CNTN3: variants seen among roughly 807,000 people sequenced by gnomAD.
CNTN3 encodes contactin 3, also known as contactin-3.
CNTN3 carries 60 observed loss-of-function variants against 119.1 expected under a neutral mutation model. The observed-to-expected ratio is 0.50, with a 90% CI of 0.41 to 0.62. The LOEUF (loss-of-function observed/expected upper bound fraction) is 0.62, where lower values mean the gene tolerates loss of function less well. Ranked by LOEUF, CNTN3 falls within the 20% of genes least tolerant of loss-of-function variation. The pLI is 0.00. For synonymous variants in CNTN3, 450 were observed against 438.7 expected (o/e 1.03, Z -0.32); for missense variants, 1,101 against 1,242.4 (o/e 0.89, Z 1.71).
intron 13 of CNTN3, among the ~76,000 whole-genome samples, chr3:74,328,115 G>A (rs1703173624): frequency 6.6e-6 from 1 of 151,470 alleles, no homozygotes; most frequent in African/African-American, 2.4e-5. Flanking sequence ...TTTATCTGTA[G>A]GATTATTTTT....
At chr3:74,574,803 T>C (rs1385052202) in intron 1 of CNTN3, among the ~76,000 whole-genome samples, 1 of 152,156 alleles carries the variant, frequency 6.6e-6, no homozygotes, top group Non-Finnish European at 1.5e-5. Context: ...ATTACCTCTA[T>C]ATACTTAGTC....
chr3:74,360,253 T>G (rs567710231), intron 11 of CNTN3, among the ~76,000 whole-genome samples: 9 of 152,262 alleles, frequency 5.9e-5, no homozygotes, highest in African/African-American at 1.9e-4. Context: ...GGCCTAAGGT[T>G]TTATTGTTTG....
At position 74,486,689 on chromosome 3, in the gene CNTN3, CT is replaced by C; in HGVS notation, c.183-59del. 5 of 1,365,682 alleles carry C rather than the reference CT, an allele frequency of 3.7e-6. No homozygotes were observed. The East Asian group carries it at 1.3e-4, about 35-fold the overall frequency. 84.6% of individuals were successfully genotyped at this position (1,365,682 alleles called of 1,614,324 possible). A position where few individuals can be genotyped will look rare whatever the true frequency, so the allele number is the denominator to read the frequency against. Reference sequence around the variant, plus strand: ...AGTATTTTTAACTTAAAAGAAGGCTCTCCATTATAAAATCTACTTTAAACAT... The same window carrying C: ...AGTATTTTTAACTTAAAAGAAGGCTCCCATTATAAAATCTACTTTAAACAT... On this transcript the variant is annotated intron_variant, in intron 3 of 22. Transcript: ENST00000263665.
At chr3:74,578,934 G>A (rs1000315713) in intron 1 of CNTN3, among the ~76,000 whole-genome samples, 3 of 151,978 alleles carry the variant, frequency 2.0e-5, no homozygotes, top group African/African-American at 4.8e-5. Flanking sequence ...TGCATTAAAT[G>A]TGAAGAGAAT....
At chr3:74,598,452 T>C (rs952029836) in intron 1 of CNTN3, among the ~76,000 whole-genome samples, 2 of 151,994 alleles carry the variant, frequency 1.3e-5, no homozygotes, top group Non-Finnish European at 2.9e-5. Flanking sequence ...CACAAAGAAT[T>C]GTAGGTAATA....
In CNTN3 at chr3:74,390,369, CTT is replaced by C. The variant is rs34399433; in HGVS notation, c.455-18972_455-18971del. On this transcript the variant is annotated intron_variant, in intron 5 of 22. Coordinates refer to ENST00000263665, the MANE Select transcript of CNTN3 (RefSeq NM_020872.3). Reference sequence around the variant, plus strand: ...ACTTTACCAGTCTGCTGAGAGTATGCTTTTTTTTTTTTTTTTTTTAGAAAAGG... The same window carrying C: ...ACTTTACCAGTCTGCTGAGAGTATGCTTTTTTTTTTTTTTTTTAGAAAAGG... Among the ~76,000 whole-genome samples the C allele has an allele frequency of 5.7e-3, 697 of 123,218 alleles. 13 individuals are homozygous for C. Among genetic ancestry groups the C allele is most frequent in the African/African-American group, 0.02 (646 of 31,922 alleles). The allele number at this position is 123,218 out of a possible 152,430, so 80.8% of individuals were successfully genotyped here.
At chr3:74,468,636 C>T (rs1702506385) in intron 4 of CNTN3, among the ~76,000 whole-genome samples, 1 of 152,112 alleles carries the variant, frequency 6.6e-6, no homozygotes, top group South Asian at 2.1e-4. Context: ...TTAGATAAGA[C>T]AAACCCACAG....
At chr3:74,600,321 T>C (rs1411286268) in intron 1 of CNTN3, among the ~76,000 whole-genome samples, 1 of 152,052 alleles carries the variant, frequency 6.6e-6, no homozygotes, top group African/African-American at 2.4e-5. Context: ...CTGAGATCAG[T>C]AGAAAAGTTC....
In CNTN3 at chr3:74,382,139, T is replaced by C. The variant is rs573356894; in HGVS notation, c.455-10740A>G. ...AGGAGAATCACTTGAACCCAGAAGGTGGAGGTTGAGGTGAGCTGAGATCGC... is the reference window on the plus strand; with the variant it reads ...AGGAGAATCACTTGAACCCAGAAGGCGGAGGTTGAGGTGAGCTGAGATCGC... On this transcript the variant is annotated intron_variant, in intron 5 of 22. Transcript: ENST00000263665. Among the ~76,000 whole-genome samples, 4 of 152,094 alleles carry C rather than the reference T, an allele frequency of 2.6e-5. 1 individual carries two copies. Among genetic ancestry groups the C allele is most frequent in the African/African-American group, 9.6e-5 (4 of 41,496 alleles).
intron 1 of CNTN3, among the ~76,000 whole-genome samples, chr3:74,602,282 C>G (rs1231244116): frequency 9.7e-6 from 1 of 103,520 alleles, no homozygotes; most frequent in Non-Finnish European, 1.7e-5. Context: ...GGCCACAGAG[C>G]AAGACCTGGT....
chr3:74,586,788 G>A (rs372414338), intron 1 of CNTN3, among the ~76,000 whole-genome samples: 1 of 152,048 alleles, frequency 6.6e-6, no homozygotes. Context: ...AATGATTAAA[G>A]CCATAACTCA....
intron 1 of CNTN3, among the ~76,000 whole-genome samples, chr3:74,577,120 C>T (rs775390585): frequency 6.6e-6 from 1 of 152,066 alleles, no homozygotes; most frequent in Admixed American, 6.6e-5. Flanking sequence ...TTACTACACC[C>T]AAGACACAAA....
intron 5 of CNTN3, among the ~76,000 whole-genome samples, chr3:74,385,628 T>C (rs1477707418): frequency 6.6e-6 from 1 of 152,192 alleles, no homozygotes. Context: ...CTTTTTCTCT[T>C]ACCTGAAAAA....
intron 5 of CNTN3, among the ~76,000 whole-genome samples, chr3:74,414,877 C>CTTTTT (rs71129747): frequency 1.8e-4 from 21 of 117,074 alleles, no homozygotes; most frequent in South Asian, 3.0e-4. Flanking sequence ...TTCCTATAGT[C>CTTTTT]TTTTTTTTTT....
At chr3:74,436,573 T>G (rs2106919619) in intron 4 of CNTN3, among the ~76,000 whole-genome samples, 1 of 152,254 alleles carries the variant, frequency 6.6e-6, no homozygotes, top group South Asian at 2.1e-4. Context: ...TCACTGAAAT[T>G]ATTAGAAAAA....
At chr3:74,336,494 A>G in intron 12 of CNTN3, 37 bp downstream of exon 12, 1 of 1,604,762 alleles carries the variant, frequency 6.2e-7, no homozygotes, top group Non-Finnish European at 8.5e-7. Flanking sequence ...CTTACAGTGA[A>G]TCCGTATGTA....
intron 11 of CNTN3, among the ~76,000 whole-genome samples, chr3:74,359,172 C>T (rs1382268696): frequency 1.3e-5 from 2 of 152,106 alleles, no homozygotes; most frequent in Non-Finnish European, 2.9e-5. Flanking sequence ...ATGGAGAGTC[C>T]AGGTAGCCTT....
intron 4 of CNTN3, among the ~76,000 whole-genome samples, 154 bp downstream of exon 4, chr3:74,486,302 A>G (rs1702857569): frequency 6.6e-6 from 1 of 152,042 alleles, no homozygotes; most frequent in African/African-American, 2.4e-5. Context: ...TTTGAACACT[A>G]TAAAATGTCC....
intron 3 of CNTN3, among the ~76,000 whole-genome samples, chr3:74,488,194 G>C (rs1575774754): frequency 6.6e-6 from 1 of 151,838 alleles, no homozygotes; most frequent in African/African-American, 2.4e-5. Context: ...CTCACGGCAA[G>C]CTCTGCCTCC....
Sources: allele counts gnomAD v4.1 joint callset (sites outside exome capture counted in the v4.1 genomes callset), GRCh38; gene constraint gnomAD v4.1.1; transcripts MANE v1.5; gene names NCBI Gene and HGNC (gene_info 2026-07-23, HGNC 2026-07-21).